LRRC45: variants seen among roughly 807,000 people sequenced by gnomAD.
LRRC45 encodes the protein leucine rich repeat containing 45.
Under a neutral mutation model 85.4 loss-of-function variants are expected in LRRC45, and 73 were observed. That is an observed-to-expected ratio of 0.85 (90% CI 0.71 to 1.04). LRRC45 has a LOEUF of 1.04. Ranked by LOEUF, LRRC45 falls within the 50% of genes least tolerant of loss-of-function variation. LRRC45 has a pLI of 0.00. For missense variants in LRRC45, 937 were observed against 883.3 expected, an observed-to-expected ratio of 1.06 and a Z score of -0.77; for synonymous variants, 429 against 386.0, an observed-to-expected ratio of 1.11 and a Z score of -1.31.
At position 82,026,882 on chromosome 17, in the gene LRRC45, C is replaced by T. The variant is rs2043372414; in HGVS notation, c.662-17C>T. 7 of 1,588,096 alleles carry T rather than the reference C, an allele frequency of 4.4e-6. No homozygotes were observed. The East Asian group carries it at 1.4e-4, about 31-fold the overall frequency. ...GGCATGAGCCCCTGTGCCCAGCTGA[C>T]ACAGCTCCTTCTGCAGAGCAAGCCA... On this transcript the variant is annotated splice_polypyrimidine_tract_variant and intron_variant, in intron 5 of 16. Coordinates refer to ENST00000306688, the MANE Select transcript of LRRC45 (RefSeq NM_144999.4).
At position 82,027,627 on chromosome 17, in the gene LRRC45, C is replaced by G. The variant is rs373259235; in HGVS notation, c.834-47C>G. On this transcript the variant is annotated intron_variant, in intron 7 of 16. Coordinates refer to ENST00000306688, the MANE Select transcript of LRRC45 (RefSeq NM_144999.4). The stretch of plus-strand genomic sequence containing the variant: ...TACCGAGGCCAGAGGGGTATGGGAG[C>G]GCTCTGGGGTTTGGGTTACTCTCTG... 2.5e-6 allele frequency: 4 copies of G among 1,584,124 alleles called. No individual in the cohort carries two copies. The African/African-American group carries it at 5.4e-5, about 21-fold the overall frequency.
In LRRC45 at chr17:82,023,761, C is replaced by A; in HGVS notation, c.118C>A (p.Gln40Lys). The A allele has an allele frequency of 1.3e-6, 2 of 1,558,842 alleles. No homozygotes were observed. The highest frequency in any genetic ancestry group is 1.7e-6 in the Non-Finnish European group (2 of 1,154,874). Residue 40 changes from glutamine to lysine, a missense_variant, in exon 1 of 17, where the codon CAA becomes AAA. By Grantham distance (53) the Gln-to-Lys change is moderately conservative (BLOSUM62 1). Coordinates refer to ENST00000306688, the MANE Select transcript of LRRC45 (RefSeq NM_144999.4). ...CAGGGGCCGGCTGGACCTGGCCACG[C>A]AAAGCCTGACGGTGGAGACCTGCAG... ...LPRGRLDLAT[Q>K]SLTVETCRAL...
intron 12 of LRRC45, 168 bp downstream of exon 12, chr17:82,028,851 G>C: frequency 1.2e-6 from 1 of 834,780 alleles, no homozygotes; most frequent in East Asian, 2.7e-5. Flanking sequence ...CCTATTGGGG[G>C]CGGCGGGGGG....
intron 16 of LRRC45, 45 bp from the exon 17 acceptor site, chr17:82,030,564 G>T (rs2043410100): frequency 2.7e-6 from 4 of 1,472,112 alleles, no homozygotes; most frequent in Non-Finnish European, 2.7e-6. Context: ...GCCGTGCCAC[G>T]GTGCGCTGGG....
At position 82,024,262 on chromosome 17, in the gene LRRC45, G is replaced by A. The variant is rs773525050; in HGVS notation, c.221-16G>A. 9 of 1,610,712 alleles carry A rather than the reference G, an allele frequency of 5.6e-6. No homozygotes were observed. The highest frequency in any genetic ancestry group is 5.3e-5 in the African/African-American group (4 of 74,922). ...TCAGCAGGGGCAGAGAGTGACCGCC[G>A]GCCCCCCTTACACAGGGGCCACACT... On this transcript the variant is annotated splice_polypyrimidine_tract_variant and intron_variant, in intron 1 of 16. Coordinates refer to ENST00000306688, the MANE Select transcript of LRRC45 (RefSeq NM_144999.4).
chr17:82,027,513 A>T, intron 7 of LRRC45, 69 bp downstream of exon 7: 1 of 1,600,658 alleles, frequency 6.2e-7, no homozygotes, highest in Non-Finnish European at 8.6e-7. Flanking sequence ...CTCAGATGGG[A>T]CCAACCTGAG....
intron 14 of LRRC45, 77 bp from the exon 15 acceptor site, chr17:82,029,988 T>C: frequency 2.1e-6 from 3 of 1,436,680 alleles, no homozygotes; most frequent in Non-Finnish European, 1.8e-6. Context: ...AGAGGTGGGG[T>C]CGTGCCCGTG....
Position 82,023,833 on chromosome 17 carries a change from G to C in LRRC45, c.190G>C (p.Val64Leu), listed in dbSNP as rs1233480395. The stretch of plus-strand genomic sequence containing the variant: ...GAGGGAGACGCTGTGCACGGAGCTG[G>C]TCCTGAGTGACTGCATGCTCAGCGA... ...LPRETLCTEL[V>L]LSDCMLSEEG... Residue 64 changes from valine to leucine, a missense_variant, in exon 1 of 17, where the codon GTC becomes CTC. Coordinates refer to ENST00000306688, the MANE Select transcript of LRRC45 (RefSeq NM_144999.4). The C allele has an allele frequency of 6.4e-7, 1 of 1,566,612 alleles. No homozygotes were observed. Among genetic ancestry groups the C allele is most frequent in the Non-Finnish European group, 8.6e-7 (1 of 1,157,792 alleles).
chr17:82,029,680 C>T lies in LRRC45; in HGVS notation c.1494+45C>T, dbSNP rs775313095. ...CACCCTCCGGGGGAGCCAGGCTGCC[C>T]GGCATTGCGGCCCGCATGCAGACTC... is the stretch of plus-strand genomic sequence containing the variant. On this transcript the variant is annotated intron_variant, in intron 14 of 16. Transcript: ENST00000306688. 28 of 1,524,370 alleles carry T rather than the reference C, an allele frequency of 1.8e-5. No homozygotes were observed. In the South Asian group the frequency reaches 2.4e-4, roughly 13 times the overall value. 94.4% of individuals were successfully genotyped at this position (1,524,370 alleles called of 1,614,324 possible). A position where few individuals can be genotyped will look rare whatever the true frequency, so the allele number is the denominator to read the frequency against.
Position 82,028,640 on chromosome 17 carries a change from G to A in LRRC45, c.1265G>A (p.Cys422Tyr), listed in dbSNP as rs759800021. The change falls in exon 12 of 17, where the codon TGC (cysteine) becomes TAC (tyrosine). Residue 422 changes from cysteine to tyrosine, a missense_variant. Coordinates refer to ENST00000306688, the MANE Select transcript of LRRC45 (RefSeq NM_144999.4). ...EERLDMEKRRCRQSLEDSESL... is the reference protein window; with the variant it reads ...EERLDMEKRRYRQSLEDSESL... ...CGCCTGGACATGGAGAAGAGAAGAT[G>A]CAGACAGAGCCTGGAGGACTCCGAA... The A allele has an allele frequency of 1.6e-5, 25 of 1,612,830 alleles. No homozygotes were observed. The Middle Eastern group carries it at 4.9e-4, about 32-fold the overall frequency.
intron 4 of LRRC45, 74 bp downstream of exon 4, chr17:82,025,252 G>C (rs915819133): frequency 5.9e-6 from 9 of 1,535,372 alleles, no homozygotes; most frequent in Admixed American, 1.9e-5. Context: ...TGAGGGGCTA[G>C]GGGACTGGCC....
chr17:82,028,032 C>T lies in LRRC45; in HGVS notation c.933C>T (p.Ala311=). The stretch of plus-strand genomic sequence containing the variant: ...GCAGGCTGCAGATGACAGAGGCCGC[C>T]CTGGCTCTGTCGGAGCAGAAGGCCC... ...LKAKLQMTEA[A]LALSEQKAQD... is the part of the protein sequence containing the mutation. The change falls in exon 9 of 17, where the codon GCC becomes GCT. Residue 311 remains alanine (A), a synonymous_variant. Transcript: ENST00000306688. 2.5e-6 allele frequency: 4 copies of T among 1,606,994 alleles called. No homozygotes were observed. The highest frequency in any genetic ancestry group is 3.4e-6 in the Non-Finnish European group (4 of 1,178,078).
Position 82,023,359 on chromosome 17 carries a change from G to A in LRRC45, c.-285G>A, listed in dbSNP as rs937306167. ...GGCTGTCGCGAGGGCGGGGGTCGGGGCTGCAGGCGGGGCAGGGCTGGGTGG... is the reference window on the plus strand; with the variant it reads ...GGCTGTCGCGAGGGCGGGGGTCGGGACTGCAGGCGGGGCAGGGCTGGGTGG... On this transcript the variant is annotated 5_prime_UTR_variant, in exon 1 of 17. Coordinates refer to ENST00000306688, the MANE Select transcript of LRRC45 (RefSeq NM_144999.4). 3 of 481,702 alleles carry A rather than the reference G, an allele frequency of 6.2e-6. No individual in the cohort carries two copies. Among genetic ancestry groups the A allele is most frequent in the South Asian group, 3.2e-5 (1 of 31,302 alleles). 29.8% of individuals were successfully genotyped at this position (481,702 alleles called of 1,614,324 possible). A position where few individuals can be genotyped will look rare whatever the true frequency, so the allele number is the denominator to read the frequency against.
At chr17:82,025,272 G>A in intron 4 of LRRC45, 94 bp downstream of exon 4, 2 of 1,526,824 alleles carry the variant, frequency 1.3e-6, no homozygotes, top group Non-Finnish European at 1.8e-6. Flanking sequence ...CTGTGCTCCT[G>A]CTCTGTTGAT....
chr17:82,023,684 A>T lies in LRRC45; in HGVS notation c.41A>T (p.Glu14Val), dbSNP rs1417360924. The change falls in exon 1 of 17, where the codon GAG (glutamate) becomes GTG (valine). Residue 14 changes from glutamate (E) to valine (V), a missense_variant. By Grantham distance (121) the Glu-to-Val change is moderately radical (BLOSUM62 -2). Coordinates refer to ENST00000306688, the MANE Select transcript of LRRC45 (RefSeq NM_144999.4). The stretch of plus-strand genomic sequence containing the variant: ...CGCTCCTACAGCCGCCTGTGCAGGG[A>T]GAGTGGGGCCGAGCCCCAGGAGGCT... Reference protein sequence around the residue: ...FRRSYSRLCRESGAEPQEAVL... With the variant: ...FRRSYSRLCRVSGAEPQEAVL... The T allele has an allele frequency of 6.4e-7, 1 of 1,552,890 alleles. No individual in the cohort carries two copies. Among genetic ancestry groups the T allele is most frequent in the Non-Finnish European group, 8.7e-7 (1 of 1,155,658 alleles).
chr17:82,029,156 C>G lies in LRRC45; in HGVS notation c.1372C>G (p.Leu458Val). The G allele has an allele frequency of 3.1e-6, 5 of 1,612,146 alleles. No individual in the cohort carries two copies. The highest frequency in any genetic ancestry group is 4.2e-6 in the Non-Finnish European group (5 of 1,179,806). ...EKAMQERVQR[L>V]EAARLSLEEE... ...GGCCATGCAGGAGCGGGTGCAGAGGCTGGAGGCGGCGCGGCTGTCCCTGGA... is the reference window on the plus strand; with the variant it reads ...GGCCATGCAGGAGCGGGTGCAGAGGGTGGAGGCGGCGCGGCTGTCCCTGGA... Residue 458 changes from leucine (L) to valine (V), a missense_variant, in exon 13 of 17, where the codon CTG becomes GTG. Leu to Val is a conservative substitution (Grantham distance 32). Transcript: ENST00000306688.
At chr17:82,027,650 C>T in intron 7 of LRRC45, 24 bp from the exon 8 acceptor site, 1 of 1,604,100 alleles carries the variant, frequency 6.2e-7, no homozygotes, top group Non-Finnish European at 8.5e-7. Flanking sequence ...GGGTTACTCT[C>T]TGCACCCTCC....
intron 1 of LRRC45, 60 bp downstream of exon 1, chr17:82,023,923 G>A: frequency 6.9e-7 from 1 of 1,458,306 alleles, no homozygotes. Context: ...CATTGCCTCG[G>A]CAGCCCGAGG....
At chr17:82,029,729 G>A (rs1279186925) in intron 14 of LRRC45, 94 bp downstream of exon 14, 29 of 1,266,482 alleles carry the variant, frequency 2.3e-5, no homozygotes, top group Non-Finnish European at 1.1e-5. Context: ...TGAGTGGGGA[G>A]GCGGGAGTGT....
Sources: allele counts gnomAD v4.1 joint callset, GRCh38; gene constraint gnomAD v4.1.1; transcripts MANE v1.5; gene names NCBI Gene and HGNC (gene_info 2026-07-23, HGNC 2026-07-21).